ZNF92: variants seen among roughly 807,000 people sequenced by gnomAD.
ZNF92 encodes the protein epididymis luminal protein 203.
A neutral mutation model predicts 12.4 loss-of-function variants in ZNF92; 11 were observed. The observed-to-expected ratio is 0.89, with a 90% CI of 0.56 to 1.47. The LOEUF is 1.47. Ranked by LOEUF, ZNF92 falls within the 40% of genes most tolerant of loss-of-function variation. The pLI is 0.00. For missense variants in ZNF92, 622 were observed against 681.0 expected (o/e 0.91, Z 0.96); for synonymous variants, 206 against 228.6 (o/e 0.90, Z 0.89).
chr7:65,383,558 A>C (rs1370087775), intron 1 of ZNF92, among the ~76,000 whole-genome samples: 1 of 152,132 alleles, frequency 6.6e-6, no homozygotes, highest in Non-Finnish European at 1.5e-5. Context: ...TGTTACTGTT[A>C]CGTGAGAGGT....
chr7:65,386,912 GATTATTAA>G (rs1009019432), intron 1 of ZNF92, among the ~76,000 whole-genome samples: 4 of 149,732 alleles, frequency 2.7e-5, no homozygotes, highest in African/African-American at 4.9e-5. Context: ...TTTTTCTCTC[GATTATTAA>G]GTATCTGTTT....
At position 65,399,885 on chromosome 7, in the gene ZNF92, C is replaced by A. The variant is rs1368582597; in HGVS notation, c.*10C>A. ...GAAACTACAAACCTGAAAGATGTGACAATGATTTTCACTACACCTCAAACT... is the reference window on the plus strand; with the variant it reads ...GAAACTACAAACCTGAAAGATGTGAAAATGATTTTCACTACACCTCAAACT... On this transcript the variant is annotated 3_prime_UTR_variant, in exon 4 of 4. Coordinates refer to ENST00000328747, the MANE Select transcript of ZNF92 (RefSeq NM_152626.4). 5.2e-6 allele frequency: 8 copies of A among 1,546,874 alleles called. 1 individual carries two copies. In the African/African-American group the frequency reaches 9.7e-5, roughly 19 times the overall value.
In ZNF92 at chr7:65,398,487, G is replaced by A. The variant is rs376229806; in HGVS notation, c.373G>A (p.Val125Met). Residue 125 changes from valine to methionine, a missense_variant, in exon 4 of 4, where the codon GTG becomes ATG. By Grantham distance (21) the Val-to-Met change is conservative. Transcript: ENST00000328747. ...CCATAAAAGTGTGGATGCATGTAAGGTGTACAAAGGAGGTTATAATGGACT... is the reference window on the plus strand; with the variant it reads ...CCATAAAAGTGTGGATGCATGTAAGATGTACAAAGGAGGTTATAATGGACT... ...KDHKSVDACK[V>M]YKGGYNGLNQ... The A allele has an allele frequency of 8.1e-6, 13 of 1,612,948 alleles. No homozygotes were observed. The highest frequency in any genetic ancestry group is 5.0e-5 in the Admixed American group (3 of 59,746).
rs1793932096 is a variant in ZNF92, at chr7:65,399,053, C to A, written c.939C>A (p.Tyr313Ter). 2.5e-6 allele frequency: 4 copies of A among 1,613,304 alleles called. No homozygotes were observed. The highest frequency in any genetic ancestry group is 3.4e-6 in the Non-Finnish European group (4 of 1,179,678). The part of the protein sequence containing the change: ...HKRIHMEDKP[Y>*]KCEECGKAFR... ...GAATTCATATGGAAGATAAACCCTA[C>A]AAATGTGAAGAATGTGGCAAAGCCT... is the stretch of plus-strand genomic sequence containing the variant. The change falls in exon 4 of 4, where the codon TAC becomes TAA. Residue 313 changes from tyrosine (Y) to a stop codon, truncating the protein, a stop_gained. Transcript: ENST00000328747. LOFTEE classifies it low-confidence loss of function (END_TRUNC).
Position 65,399,678 on chromosome 7 carries a change from T to A in ZNF92, c.1564T>A (p.Ser522Thr). The A allele has an allele frequency of 6.2e-7, 1 of 1,613,692 alleles. No individual in the cohort carries two copies. The highest frequency in any genetic ancestry group is 8.5e-7 in the Non-Finnish European group (1 of 1,179,770). Reference sequence around the variant, plus strand: ...ATGTGGCAATGCTTTTAACCAGTCCTCAAACCTTACTGCACGTAAGATAAT... The same window carrying A: ...ATGTGGCAATGCTTTTAACCAGTCCACAAACCTTACTGCACGTAAGATAAT... The part of the protein sequence containing the change: ...EKCGNAFNQS[S>T]NLTARKIIYT... Residue 522 changes from serine (S) to threonine (T), a missense_variant, in exon 4 of 4, where the codon TCA becomes ACA. Physicochemically the swap from Ser to Thr is moderately conservative, Grantham distance 58. Transcript: ENST00000328747.
At chr7:65,375,268 G>A (rs1217475025) in intron 1 of ZNF92, among the ~76,000 whole-genome samples, 1 of 152,008 alleles carries the variant, frequency 6.6e-6, no homozygotes, top group Non-Finnish European at 1.5e-5. Flanking sequence ...CTGGTCCTGG[G>A]TTTTAGTACT....
At chr7:65,387,047 C>A (rs1211712333) in intron 1 of ZNF92, among the ~76,000 whole-genome samples, 1 of 149,756 alleles carries the variant, frequency 6.7e-6, no homozygotes, top group African/African-American at 2.5e-5. Flanking sequence ...TCAAGCAATT[C>A]TCCTGCCTCA....
intron 3 of ZNF92, among the ~76,000 whole-genome samples, chr7:65,395,211 T>G (rs1287545401): frequency 3.3e-5 from 5 of 151,948 alleles, no homozygotes; most frequent in Admixed American, 2.0e-4. Flanking sequence ...TGCACTACCA[T>G]GCCTGGCTAA....
intron 1 of ZNF92, among the ~76,000 whole-genome samples, chr7:65,379,609 C>T (rs1793346980): frequency 6.6e-6 from 1 of 152,078 alleles, no homozygotes; most frequent in Non-Finnish European, 1.5e-5. Flanking sequence ...TAGGCACCAC[C>T]CTCAGGAATT....
chr7:65,375,892 G>A (rs1793224267), intron 1 of ZNF92, among the ~76,000 whole-genome samples: 1 of 151,998 alleles, frequency 6.6e-6, no homozygotes, highest in Admixed American at 6.6e-5. Context: ...AACTTGCAAA[G>A]TAAAATACAC....
chr7:65,376,261 T>G (rs1284710515), intron 1 of ZNF92, among the ~76,000 whole-genome samples: 2 of 152,060 alleles, frequency 1.3e-5, no homozygotes, highest in Non-Finnish European at 2.9e-5. Context: ...TTTGTCACCT[T>G]GAAAATATTT....
intron 2 of ZNF92, 30 bp downstream of exon 2, chr7:65,388,058 A>G (rs1222402817): frequency 1.9e-6 from 3 of 1,563,704 alleles, no homozygotes; most frequent in South Asian, 1.2e-5. Context: ...ACAATACACA[A>G]TGCTCTAAAA....
intron 1 of ZNF92, among the ~76,000 whole-genome samples, chr7:65,383,560 G>A (rs1301749852): frequency 6.6e-6 from 1 of 152,124 alleles, no homozygotes; most frequent in Non-Finnish European, 1.5e-5. Context: ...TTACTGTTAC[G>A]TGAGAGGTGC....
chr7:65,380,973 C>CT (rs1236680388), intron 1 of ZNF92, among the ~76,000 whole-genome samples: 1 of 151,876 alleles, frequency 6.6e-6, no homozygotes, highest in Non-Finnish European at 1.5e-5. Flanking sequence ...GTGATGAGCA[C>CT]TTTTTTAATA....
In ZNF92 at chr7:65,400,570, G is replaced by C. The variant is rs1392866152; in HGVS notation, c.*695G>C. 1 of 151,890 alleles carries C rather than the reference G, an allele frequency of 6.6e-6. No individual in the cohort carries two copies. Among genetic ancestry groups the C allele is most frequent in the Admixed American group, 6.6e-5 (1 of 15,252 alleles). 9.4% of individuals were successfully genotyped at this position (151,890 alleles called of 1,614,324 possible). A position where few individuals can be genotyped will look rare whatever the true frequency, so the allele number is the denominator to read the frequency against. ...TAAGGCATAAGGCACTGATACTTCA[G>C]ACATTACACTAAATTAGAGTGTTGA... On this transcript the variant is annotated 3_prime_UTR_variant, in exon 4 of 4. Coordinates refer to ENST00000328747, the MANE Select transcript of ZNF92 (RefSeq NM_152626.4).
At chr7:65,393,459 A>G (rs796943105) in intron 3 of ZNF92, among the ~76,000 whole-genome samples, 2 of 152,170 alleles carry the variant, frequency 1.3e-5, no homozygotes, top group Non-Finnish European at 2.9e-5. Context: ...TACTGGTACA[A>G]TAAACATAGA....
At chr7:65,392,389 T>TA (rs1196775543) in intron 3 of ZNF92, among the ~76,000 whole-genome samples, 1 of 151,882 alleles carries the variant, frequency 6.6e-6, no homozygotes, top group African/African-American at 2.4e-5. Flanking sequence ...GTTTTTCTTT[T>TA]AAAAAATAAT....
In ZNF92 at chr7:65,399,307, A is replaced by C. The variant is rs765823500; in HGVS notation, c.1193A>C (p.Lys398Thr). 8 of 1,613,100 alleles carry C rather than the reference A, an allele frequency of 5.0e-6. No individual in the cohort carries two copies. In the South Asian group the frequency reaches 7.7e-5, roughly 16 times the overall value. The change falls in exon 4 of 4, where the codon AAA becomes ACA. Residue 398 changes from lysine to threonine, a missense_variant. Coordinates refer to ENST00000328747, the MANE Select transcript of ZNF92 (RefSeq NM_152626.4). ...ATTCATACGGGAGAAAAACCCTACAAATGTGAAGAATGTGGCAAAGCTTTT... is the reference window on the plus strand; with the variant it reads ...ATTCATACGGGAGAAAAACCCTACACATGTGAAGAATGTGGCAAAGCTTTT... ...KRIHTGEKPY[K>T]CEECGKAFKQ...
chr7:65,395,234 T>A (rs1231113336), intron 3 of ZNF92, among the ~76,000 whole-genome samples: 1 of 152,042 alleles, frequency 6.6e-6, no homozygotes, highest in Non-Finnish European at 1.5e-5. Flanking sequence ...TTTTGATCAT[T>A]TGTAGGGACA....
Sources: gnomAD v4.1 joint callset for allele counts (sites outside exome capture counted in the v4.1 genomes callset) on GRCh38, gnomAD v4.1.1 for gene constraint, MANE v1.5 for transcripts, NCBI Gene and HGNC (gene_info 2026-07-23, HGNC 2026-07-21) for gene names.